Variants in KIF5C observed in about 807,000 individuals in gnomAD.
KIF5C encodes the protein kinesin heavy chain isoform 5C.
In KIF5C, 18 loss-of-function variants were observed where a neutral mutation model predicts 125.2. The observed-to-expected ratio is 0.14, with a 90% confidence interval of 0.10 to 0.21. The LOEUF is 0.21. KIF5C is among the 10% of genes least tolerant of loss of function. The pLI is 1.00. For missense variants in KIF5C, 780 were observed against 1,183.8 expected, an observed-to-expected ratio of 0.66 and a Z score of 5.01; for synonymous variants, 405 against 434.0, an observed-to-expected ratio of 0.93 and a Z score of 0.83.
intron 2 of KIF5C, among the ~76,000 whole-genome samples, chr2:148,925,516 C>T (rs534027144): frequency 5.3e-5 from 8 of 152,286 alleles, no homozygotes; most frequent in African/African-American, 1.7e-4. Flanking sequence ...TTATTTTCCT[C>T]ATTGTACAGA....
intron 16 of KIF5C, among the ~76,000 whole-genome samples, chr2:148,992,943 GA>G (rs1445120749): frequency 1.3e-5 from 2 of 152,216 alleles, no homozygotes; most frequent in Non-Finnish European, 2.9e-5. Flanking sequence ...TACTCATGGA[GA>G]CCCCATGGCC....
At chr2:148,979,313 C>A (rs1681167484) in intron 13 of KIF5C, among the ~76,000 whole-genome samples, 1 of 152,126 alleles carries the variant, frequency 6.6e-6, no homozygotes, top group African/African-American at 2.4e-5. Flanking sequence ...GAGACAGGGT[C>A]TCTCTGTTGT....
At chr2:148,884,946 C>G (rs1025930991) in intron 1 of KIF5C, among the ~76,000 whole-genome samples, 6 of 151,280 alleles carry the variant, frequency 4.0e-5, no homozygotes, top group Non-Finnish European at 8.8e-5. Context: ...GCCTATCCCC[C>G]CCTCACAATG....
chr2:148,886,028 T>G (rs1227985459), intron 1 of KIF5C: 2 of 152,190 alleles, frequency 1.3e-5, no homozygotes, highest in Non-Finnish European at 2.9e-5. Flanking sequence ...ACCTCACTCC[T>G]AAGAGATTAT....
chr2:148,941,980 C>T lies in KIF5C; in HGVS notation c.491C>T (p.Pro164Leu), dbSNP rs766995170. ...LAVHEDKNRVPYVKGCTERFV... is the reference protein window; with the variant it reads ...LAVHEDKNRVLYVKGCTERFV... ...GTTCATGAAGATAAAAACAGAGTCC[C>T]GTATGTAAAGGTATGAGGAAGATTT... is the stretch of plus-strand genomic sequence containing the variant. Residue 164 changes from proline to leucine, a missense_variant, in exon 6 of 26, where the codon CCG (proline) becomes CTG (leucine). Coordinates refer to ENST00000435030, the MANE Select transcript of KIF5C (RefSeq NM_004522.3). 7.4e-6 allele frequency: 12 copies of T among 1,611,730 alleles called. No homozygotes were observed. The highest frequency in any genetic ancestry group is 4.5e-5 in the East Asian group (2 of 44,794).
At chr2:148,927,493 T>TGTGG (rs1354947242) in intron 2 of KIF5C, among the ~76,000 whole-genome samples, 1 of 151,948 alleles carries the variant, frequency 6.6e-6, no homozygotes, top group African/African-American at 2.4e-5. Context: ...AGGGTGTGTG[T>TGTGG]GTGTGTGTGT....
intron 1 of KIF5C, chr2:148,884,442 C>T (rs1681455050): frequency 1.3e-5 from 2 of 152,092 alleles, no homozygotes; most frequent in African/African-American, 4.8e-5. Context: ...GATTCCTAGA[C>T]TCTTTTAGAA....
At chr2:148,880,954 GT>G (rs371343902) in intron 1 of KIF5C, among the ~76,000 whole-genome samples, 3,466 of 129,140 alleles carry the variant, frequency 0.027, 53 homozygotes, top group African/African-American at 0.033. Context: ...AAAAAACCTA[GT>G]TTTTTTTTTT....
chr2:149,003,716 C>A (rs1424225636), intron 21 of KIF5C, among the ~76,000 whole-genome samples: 1 of 152,142 alleles, frequency 6.6e-6, no homozygotes, highest in South Asian at 2.1e-4. Context: ...TTTATACTAC[C>A]CTTCCCAAAC....
chr2:148,945,622 T>C (rs1213213593), intron 7 of KIF5C, among the ~76,000 whole-genome samples: 2 of 152,180 alleles, frequency 1.3e-5, no homozygotes, highest in African/African-American at 2.4e-5. Flanking sequence ...AGTTCTTTAG[T>C]GCTAATTTGT....
chr2:148,907,668 G>C (rs1196804228), intron 1 of KIF5C, among the ~76,000 whole-genome samples: 1 of 152,246 alleles, frequency 6.6e-6, no homozygotes, highest in Non-Finnish European at 1.5e-5. Flanking sequence ...GGCATCAGGG[G>C]AAGAGTGGGA....
chr2:148,967,080 G>A (rs775646224), intron 11 of KIF5C, among the ~76,000 whole-genome samples: 3 of 152,154 alleles, frequency 2.0e-5, no homozygotes, highest in African/African-American at 7.2e-5. Flanking sequence ...CTCAGAAGGC[G>A]GCTTGTGGCT....
In KIF5C at chr2:148,938,566, C is replaced by T. The variant is rs557357824; in HGVS notation, c.396+1178C>T. ...ATTCCCTTATTTCCAACTCTAAATT[C>T]CCTTGGGCAGGGACTCATTGGCCCA... On this transcript the variant is annotated intron_variant, in intron 4 of 25. Coordinates refer to ENST00000435030, the MANE Select transcript of KIF5C (RefSeq NM_004522.3). Among the ~76,000 whole-genome samples the T allele has an allele frequency of 1.7e-3, 260 of 152,236 alleles. 3 individuals are homozygous for T. The highest frequency in any genetic ancestry group is 3.2e-3 in the Non-Finnish European group (216 of 68,020).
chr2:148,949,261 A>G (rs1682599384), intron 8 of KIF5C, among the ~76,000 whole-genome samples: 1 of 152,330 alleles, frequency 6.6e-6, no homozygotes, highest in Non-Finnish European at 1.5e-5. Flanking sequence ...GATGCAGTAT[A>G]CATTTGACTT....
rs115189097 is a variant in KIF5C at position 148,917,415 on chromosome 2, C to T, written c.127-4722C>T. Among the ~76,000 whole-genome samples the T allele has an allele frequency of 1.8e-3, 278 of 152,316 alleles. 3 individuals are homozygous for T. The highest frequency in any genetic ancestry group is 6.3e-3 in the African/African-American group (262 of 41,574). ...AAAGGAAGAACCCTTGAAGTAAGGG[C>T]CTGGCAGTTATTTCCCCTAAGTAAT... On this transcript the variant is annotated intron_variant, in intron 1 of 25. Coordinates refer to ENST00000435030, the MANE Select transcript of KIF5C (RefSeq NM_004522.3).
intron 1 of KIF5C, among the ~76,000 whole-genome samples, chr2:148,908,852 T>C (rs961393638): frequency 6.6e-6 from 1 of 152,204 alleles, no homozygotes; most frequent in Non-Finnish European, 1.5e-5. Flanking sequence ...TGATTCTTTT[T>C]TAAAAAAATT....
chr2:148,913,201 T>G (rs1195089008), intron 1 of KIF5C, among the ~76,000 whole-genome samples: 1 of 152,210 alleles, frequency 6.6e-6, no homozygotes, highest in African/African-American at 2.4e-5. Context: ...TTAGAAAATC[T>G]ATAGTTGAGG....
At chr2:148,910,592 T>C (rs960598553) in intron 1 of KIF5C, among the ~76,000 whole-genome samples, 1 of 152,204 alleles carries the variant, frequency 6.6e-6, no homozygotes, top group Non-Finnish European at 1.5e-5. Flanking sequence ...ATCATTGAGA[T>C]GGCATTCTAG....
At position 148,875,324 on chromosome 2, in the gene KIF5C, C is replaced by T; in HGVS notation, c.-294C>T. ...CTCCCTGCGCATCGCCTCCTCCGCC[C>T]GCCGCGTGGTCGCGGGCAGGTGGGC... On this transcript the variant is annotated 5_prime_UTR_variant, in exon 1 of 26. Transcript: ENST00000435030. The T allele has an allele frequency of 3.3e-6, 1 of 305,262 alleles. No homozygotes were observed. Among genetic ancestry groups the T allele is most frequent in the Non-Finnish European group, 6.0e-6 (1 of 167,300 alleles). 18.9% of individuals were successfully genotyped at this position (305,262 alleles called of 1,614,324 possible). A position where few individuals can be genotyped will look rare whatever the true frequency, so the allele number is the denominator to read the frequency against.
Sources: allele counts gnomAD v4.1 joint callset (sites outside exome capture counted in the v4.1 genomes callset), GRCh38; gene constraint gnomAD v4.1.1; transcripts MANE v1.5; gene names NCBI Gene and HGNC (gene_info 2026-07-23, HGNC 2026-07-21).